Variants in SPRED2 observed in about 807,000 individuals in gnomAD.
SPRED2 encodes sprouty related EVH1 domain containing 2.
Under a neutral mutation model 43.0 loss-of-function variants are expected in SPRED2, and 47 were observed. The ratio of observed to expected loss-of-function variants is 1.09; its 90% CI spans 0.87 to 1.40. The LOEUF is 1.40. SPRED2 is among the 40% of genes most tolerant of loss of function. The pLI, the probability that SPRED2 is intolerant of heterozygous loss-of-function variation, is 0.00. For synonymous variants in SPRED2, 225 were observed against 225.7 expected, an observed-to-expected ratio of 1.00 and a Z score of 0.03; for missense variants, 561 against 586.4, an observed-to-expected ratio of 0.96 and a Z score of 0.45.
At chr2:65,382,394 G>C (rs546725870) in intron 1 of SPRED2, among the ~76,000 whole-genome samples, 1 of 152,236 alleles carries the variant, frequency 6.6e-6, no homozygotes, top group South Asian at 2.1e-4. Flanking sequence ...TTAACTTTTT[G>C]CCTGGAAGCA....
chr2:65,345,471 C>T (rs1006587375), intron 1 of SPRED2, among the ~76,000 whole-genome samples: 5 of 151,856 alleles, frequency 3.3e-5, no homozygotes, highest in African/African-American at 7.2e-5. Flanking sequence ...CATGTTGGCA[C>T]GCTGGTCTGG....
intron 1 of SPRED2, among the ~76,000 whole-genome samples, chr2:65,427,049 T>G (rs1676572209): frequency 1.3e-5 from 2 of 148,478 alleles, no homozygotes; most frequent in African/African-American, 5.2e-5. Flanking sequence ...TCTTTTCAGG[T>G]TTTTTTTGTT....
In SPRED2 at chr2:65,329,906, C is replaced by T. The variant is rs547570344; in HGVS notation, c.438+2081G>A. 5.9e-5 allele frequency among the ~76,000 whole-genome samples: 9 copies of T among 152,266 alleles called. 1 individual carries two copies. Among genetic ancestry groups the T allele is most frequent in the African/African-American group, 2.2e-4 (9 of 41,540 alleles). The stretch of plus-strand genomic sequence containing the variant: ...GACAACTGAGTTCATTTCCTGAAAC[C>T]CCCTCTGCACACTCAGTTCAAGTCA... On this transcript the variant is annotated intron_variant, in intron 4 of 5. Transcript: ENST00000356388.
intron 1 of SPRED2, among the ~76,000 whole-genome samples, chr2:65,379,885 T>A (rs1003923790): frequency 1.3e-5 from 2 of 152,140 alleles, no homozygotes; most frequent in Non-Finnish European, 1.5e-5. Context: ...CTATTAGTCA[T>A]CATGAGCCTT....
chr2:65,339,139 C>A, intron 2 of SPRED2, among the ~76,000 whole-genome samples: 1 of 61,422 alleles, frequency 1.6e-5, no homozygotes, highest in Admixed American at 1.7e-4. Flanking sequence ...CCGCCCGGTC[C>A]AGGAGCTGAG....
At chr2:65,322,688 G>A (rs1173870699) in intron 4 of SPRED2, among the ~76,000 whole-genome samples, 2 of 152,142 alleles carry the variant, frequency 1.3e-5, no homozygotes, top group Non-Finnish European at 2.9e-5. Flanking sequence ...ACAGTGTCCT[G>A]CTTGTCTTGA....
At chr2:65,341,034 A>C (rs140478674) in intron 2 of SPRED2, among the ~76,000 whole-genome samples, 2,154 of 133,334 alleles carry the variant, frequency 0.016, 54 homozygotes, top group African/African-American at 0.058. Flanking sequence ...ATCTCTAAGG[A>C]GAGAGAAAGG....
intron 3 of SPRED2, chr2:65,334,234 CT>C (rs1460701961): frequency 4.2e-6 from 2 of 473,352 alleles, no homozygotes; most frequent in Middle Eastern, 3.2e-4. Context: ...GGCCAGGAGC[CT>C]TCTGGGCCCG....
chr2:65,330,970 A>G (rs1673794785), intron 4 of SPRED2, among the ~76,000 whole-genome samples: 1 of 143,796 alleles, frequency 7.0e-6, no homozygotes, highest in South Asian at 2.3e-4. Flanking sequence ...AAAGTTTTAT[A>G]ATAAAAAATG....
chr2:65,325,976 G>C (rs1673598141), intron 4 of SPRED2, among the ~76,000 whole-genome samples: 1 of 147,426 alleles, frequency 6.8e-6, no homozygotes, highest in South Asian at 2.1e-4. Flanking sequence ...GAGCAAGACT[G>C]TCTCAAAAAA....
At chr2:65,335,477 T>C (rs963356809) in intron 2 of SPRED2, among the ~76,000 whole-genome samples, 2 of 152,216 alleles carry the variant, frequency 1.3e-5, no homozygotes, top group African/African-American at 4.8e-5. Context: ...GATCTTTTTA[T>C]CTCTAAGATG....
At chr2:65,338,534 G>T (rs1311287767) in intron 2 of SPRED2, among the ~76,000 whole-genome samples, 1 of 151,506 alleles carries the variant, frequency 6.6e-6, no homozygotes, top group African/African-American at 2.4e-5. Context: ...TCCTAGCCGC[G>T]AGTGATCCGC....
chr2:65,431,202 C>T (rs1676678640), intron 1 of SPRED2, among the ~76,000 whole-genome samples: 1 of 151,248 alleles, frequency 6.6e-6, no homozygotes. Context: ...CGCGCACCCG[C>T]GAGGACACTC....
intron 1 of SPRED2, among the ~76,000 whole-genome samples, chr2:65,357,806 G>C (rs1317464560): frequency 1.3e-5 from 2 of 152,172 alleles, no homozygotes; most frequent in Non-Finnish European, 2.9e-5. Flanking sequence ...AGTGCCGTAA[G>C]TCAGGACAGG....
intron 1 of SPRED2, among the ~76,000 whole-genome samples, chr2:65,355,014 G>T (rs1162357915): frequency 1.3e-5 from 2 of 152,226 alleles, no homozygotes; most frequent in Non-Finnish European, 2.9e-5. Context: ...GTCAGGCCTG[G>T]GGGGACTGGC....
chr2:65,430,122 G>C lies in SPRED2; in HGVS notation c.26+1840C>G, dbSNP rs777896118. On this transcript the variant is annotated intron_variant, in intron 1 of 5. Coordinates refer to ENST00000356388, the MANE Select transcript of SPRED2 (RefSeq NM_181784.3). ...CTACTCTGTGTGCAGGTACAATCGA[G>C]GGCCCATAAAAATATTGATTTATTG... Among the ~76,000 whole-genome samples the C allele has an allele frequency of 3.3e-5, 5 of 152,164 alleles. No individual in the cohort carries two copies. In the South Asian group the frequency reaches 8.3e-4, roughly 25 times the overall value.
intron 1 of SPRED2, among the ~76,000 whole-genome samples, chr2:65,365,536 C>A (rs1444615802): frequency 6.6e-6 from 1 of 152,196 alleles, no homozygotes; most frequent in Non-Finnish European, 1.5e-5. Context: ...AACCCCAGAT[C>A]TGTTTAATGC....
At position 65,432,251 on chromosome 2, in the gene SPRED2, G is replaced by A; in HGVS notation, c.-264C>T. 1 of 519,704 alleles carries A rather than the reference G, an allele frequency of 1.9e-6. No individual in the cohort carries two copies. Among genetic ancestry groups the A allele is most frequent in the Non-Finnish European group, 3.5e-6 (1 of 287,534 alleles). 32.2% of individuals were successfully genotyped at this position (519,704 alleles called of 1,614,324 possible). ...GGGCGGAGGCTCCGGGGGCTCGGGA[G>A]CGGGCAGAGGGGGCGAGATTTGGGA... On this transcript the variant is annotated 5_prime_UTR_variant, in exon 1 of 6. Coordinates refer to ENST00000356388, the MANE Select transcript of SPRED2 (RefSeq NM_181784.3).
chr2:65,360,668 G>A (rs749659127), intron 1 of SPRED2, among the ~76,000 whole-genome samples: 4 of 152,114 alleles, frequency 2.6e-5, no homozygotes, highest in Non-Finnish European at 4.4e-5. Context: ...TGCCAGAGGC[G>A]GGGGGCTGGG....
Sources: gnomAD v4.1 joint callset for allele counts (sites outside exome capture counted in the v4.1 genomes callset) on GRCh38, gnomAD v4.1.1 for gene constraint, MANE v1.5 for transcripts, NCBI Gene and HGNC (gene_info 2026-07-23, HGNC 2026-07-21) for gene names.